SULF1: variants seen among roughly 807,000 people sequenced by gnomAD.
SULF1 encodes the protein sulfatase 1.
In SULF1, 46 loss-of-function variants were observed where a neutral mutation model predicts 110.5. The observed-to-expected ratio is 0.42, with a 90% CI of 0.33 to 0.53. The LOEUF is 0.53. SULF1 is among the 20% of genes least tolerant of loss of function. The pLI, the probability that SULF1 is intolerant of heterozygous loss-of-function variation, is 0.12. For synonymous variants in SULF1, 371 were observed against 387.1 expected, an observed-to-expected ratio of 0.96 and a Z score of 0.49; for missense variants, 941 against 1,094.2, an observed-to-expected ratio of 0.86 and a Z score of 1.98.
chr8:69,656,611 T>C (rs533782760), intron 22 of SULF1, among the ~76,000 whole-genome samples: 2 of 152,356 alleles, frequency 1.3e-5, no homozygotes, highest in Admixed American at 1.3e-4. Flanking sequence ...CTGAAGATAA[T>C]GGCTTCCAGC....
intron 13 of SULF1, among the ~76,000 whole-genome samples, chr8:69,615,599 A>T (rs767854339): frequency 7.2e-5 from 11 of 152,102 alleles, no homozygotes; most frequent in Non-Finnish European, 1.6e-4. Flanking sequence ...GTATGTATGG[A>T]TAATATGTTT....
At chr8:69,548,121 C>T (rs1157514220) in intron 3 of SULF1, among the ~76,000 whole-genome samples, 1 of 152,074 alleles carries the variant, frequency 6.6e-6, no homozygotes, top group Non-Finnish European at 1.5e-5. Context: ...TGAGAGAGAC[C>T]CTCACGTCTT....
intron 22 of SULF1, among the ~76,000 whole-genome samples, chr8:69,648,735 T>G (rs899742298): frequency 1.3e-5 from 2 of 152,242 alleles, no homozygotes; most frequent in African/African-American, 2.4e-5. Flanking sequence ...CCCTTCTGCT[T>G]CTTATGACAC....
chr8:69,482,378 A>G (rs1240254026), intron 1 of SULF1, among the ~76,000 whole-genome samples: 2 of 152,174 alleles, frequency 1.3e-5, no homozygotes, highest in African/African-American at 2.4e-5. Flanking sequence ...TAAACATTTC[A>G]TTTGGTTTTG....
chr8:69,657,534 C>T (rs1291022906), intron 22 of SULF1, among the ~76,000 whole-genome samples: 4 of 152,234 alleles, frequency 2.6e-5, no homozygotes, highest in African/African-American at 9.6e-5. Context: ...TGACACTTCC[C>T]TCTTCTCTCT....
chr8:69,527,295 G>A (rs1812765770), intron 3 of SULF1, among the ~76,000 whole-genome samples: 1 of 151,904 alleles, frequency 6.6e-6, no homozygotes, highest in Non-Finnish European at 1.5e-5. Flanking sequence ...AAAATAACAG[G>A]AAAAAAATAA....
Position 69,564,012 on chromosome 8 carries a change from C to G in SULF1, c.37C>G (p.Leu13Val). The change falls in exon 5 of 23, where the codon CTG (leucine) becomes GTG (valine). Residue 13 changes from leucine to valine, a missense_variant. Physicochemically the swap from Leu to Val is conservative, Grantham distance 32. Coordinates refer to ENST00000402687, the MANE Select transcript of SULF1 (RefSeq NM_001128205.2). ...YSCCALVLAV[L>V]GTELLGSLCS... ...TTGCTGTGCTCTGGTTTTGGCTGTC[C>G]TGGGCACAGAATTGCTGGGAAGCCT... The G allele has an allele frequency of 6.2e-7, 1 of 1,614,174 alleles. No homozygotes were observed. Among genetic ancestry groups the G allele is most frequent in the Middle Eastern group, 1.6e-4 (1 of 6,062 alleles).
intron 22 of SULF1, among the ~76,000 whole-genome samples, chr8:69,643,657 C>G (rs1187983191): frequency 6.6e-6 from 1 of 152,132 alleles, no homozygotes; most frequent in Non-Finnish European, 1.5e-5. Flanking sequence ...TCTGTTGCTG[C>G]TCAATTTCTT....
chr8:69,654,554 T>A (rs1339355748), intron 22 of SULF1, among the ~76,000 whole-genome samples: 1 of 152,206 alleles, frequency 6.6e-6, no homozygotes, highest in Non-Finnish European at 1.5e-5. Flanking sequence ...TAAAGTATAA[T>A]TAGGGTTTTT....
intron 3 of SULF1, among the ~76,000 whole-genome samples, chr8:69,549,865 G>A (rs748689840): frequency 5.3e-5 from 8 of 152,160 alleles, no homozygotes; most frequent in Non-Finnish European, 1.2e-4. Flanking sequence ...TCGTGGTCTT[G>A]AATATTCATT....
intron 6 of SULF1, among the ~76,000 whole-genome samples, chr8:69,585,696 CTA>C (rs1245468041): frequency 1.3e-5 from 2 of 152,086 alleles, no homozygotes; most frequent in Admixed American, 1.3e-4. Context: ...AATTAGTAAT[CTA>C]TGTAGTAACT....
At chr8:69,531,445 C>T (rs1813075492) in intron 3 of SULF1, among the ~76,000 whole-genome samples, 1 of 152,170 alleles carries the variant, frequency 6.6e-6, no homozygotes, top group African/African-American at 2.4e-5. Context: ...AACCAAGCCA[C>T]CACCCACCTC....
intron 22 of SULF1, among the ~76,000 whole-genome samples, chr8:69,645,950 T>G (rs1182179499): frequency 1.3e-5 from 2 of 152,052 alleles, no homozygotes; most frequent in Admixed American, 6.6e-5. Context: ...TGTATTTGTT[T>G]ACCAATGAAC....
chr8:69,521,170 T>G (rs962474866), intron 3 of SULF1, among the ~76,000 whole-genome samples: 1 of 152,182 alleles, frequency 6.6e-6, no homozygotes, highest in African/African-American at 2.4e-5. Flanking sequence ...GGTTAATTCA[T>G]TTTTTCCTTT....
rs183472188 is a variant in SULF1, at chr8:69,511,314, C to T, written c.-134+9346C>T. 5.5e-3 allele frequency among the ~76,000 whole-genome samples: 842 copies of T among 151,960 alleles called. 12 individuals are homozygous for T. Among genetic ancestry groups the T allele is most frequent in the African/African-American group, 0.019 (789 of 41,408 alleles). On this transcript the variant is annotated intron_variant, in intron 3 of 22. Coordinates refer to ENST00000402687, the MANE Select transcript of SULF1 (RefSeq NM_001128205.2). The stretch of plus-strand genomic sequence containing the variant: ...TTTACCCTTTGGTTCAGATTTTTTT[C>T]TCCCATTCAATCATGATTTGACAAA...
chr8:69,586,399 TC>T lies in SULF1; in HGVS notation c.461del (p.Pro154LeufsTer9). 1.2e-6 allele frequency: 2 copies of T among 1,605,696 alleles called. No individual in the cohort carries two copies. The highest frequency in any genetic ancestry group is 1.3e-5 in the African/African-American group (1 of 74,684). On this transcript the variant is annotated frameshift_variant, in exon 7 of 23. Coordinates refer to ENST00000402687, the MANE Select transcript of SULF1 (RefSeq NM_001128205.2). LOFTEE classifies it high-confidence loss of function. ...CTCAATGAATATAATGGCAGCTACA[TC>T]CCCCCTGGGTGGCGAGAATGGCTTG... Reference protein sequence around the residue: ...KYLNEYNGSYIPPGWREWLGL... With the variant: ...KYLNEYNGSYXPPGWREWLGL...
intron 6 of SULF1, among the ~76,000 whole-genome samples, chr8:69,581,025 A>G (rs1409860500): frequency 6.6e-6 from 1 of 152,196 alleles, no homozygotes; most frequent in Non-Finnish European, 1.5e-5. Context: ...ATGCATAAAC[A>G]TGAGAAATGT....
intron 19 of SULF1, among the ~76,000 whole-genome samples, chr8:69,633,513 T>C (rs1251231185): frequency 6.6e-6 from 1 of 151,618 alleles, no homozygotes. Context: ...GTATTTTTAG[T>C]AGAGACAGGG....
chr8:69,483,889 C>A (rs573909933), intron 1 of SULF1, among the ~76,000 whole-genome samples: 2 of 152,298 alleles, frequency 1.3e-5, no homozygotes, highest in South Asian at 4.1e-4. Flanking sequence ...ACAATAACAG[C>A]TAAGATTTAT....
Sources: gnomAD v4.1 joint callset for allele counts (sites outside exome capture counted in the v4.1 genomes callset) on GRCh38, gnomAD v4.1.1 for gene constraint, MANE v1.5 for transcripts, NCBI Gene and HGNC (gene_info 2026-07-23, HGNC 2026-07-21) for gene names.